Variants in PARVG observed in about 807,000 individuals in gnomAD.
PARVG encodes the protein parvin gamma.
PARVG carries 36 observed loss-of-function variants against 44.4 expected under a neutral mutation model. The observed-to-expected ratio is 0.81, with a 90% CI of 0.62 to 1.07. The LOEUF (loss-of-function observed/expected upper bound fraction) is 1.07. Ranked by LOEUF, PARVG falls within the 50% of genes least tolerant of loss-of-function variation. PARVG has a pLI of 0.00. For missense variants in PARVG, 407 were observed against 407.4 expected (o/e 1.00, Z 0.01); for synonymous variants, 170 against 174.1 (o/e 0.98, Z 0.19).
In PARVG at chr22:44,190,646, G is replaced by A; in HGVS notation, c.484G>A (p.Val162Met). 6.2e-7 allele frequency: 1 copy of A among 1,613,630 alleles called. No individual in the cohort carries two copies. The change falls in exon 7 of 14, where the codon GTG becomes ATG. Residue 162 changes from valine (V) to methionine (M), a missense_variant. Transcript: ENST00000444313. Reference sequence around the variant, plus strand: ...CCTCTCCCTCCCAACCAACGTCCAGGTGGAGGTCATCACTATCGAGGTAGC... The same window carrying A: ...CCTCTCCCTCCCAACCAACGTCCAGATGGAGGTCATCACTATCGAGGTAGC... ...PDLSLPTNVQVEVITIESTKS... is the reference protein window; with the variant it reads ...PDLSLPTNVQMEVITIESTKS...
rs1238000830 is a variant in PARVG, at chr22:44,187,788, T to C, written c.157T>C (p.Trp53Arg). The change falls in exon 5 of 14, where the codon TGG (tryptophan) becomes CGG (arginine). Residue 53 changes from tryptophan to arginine, a missense_variant. Trp to Arg is a moderately radical substitution (Grantham distance 101, BLOSUM62 -3). Transcript: ENST00000444313. Reference sequence around the variant, plus strand: ...TTGGAGCCTGCAGGTGTTGATGGAGTGGATCAATGCCACTCTTCTCCCCGA... The same window carrying C: ...TTGGAGCCTGCAGGTGTTGATGGAGCGGATCAATGCCACTCTTCTCCCCGA... ...FEELQKVLME[W>R]INATLLPEHI... is the part of the protein sequence containing the mutation. The C allele has an allele frequency of 6.2e-7, 1 of 1,614,018 alleles. No individual in the cohort carries two copies.
At position 44,190,410 on chromosome 22, in the gene PARVG, T is replaced by A. The variant is rs996739598; in HGVS notation, c.389-141T>A. On this transcript the variant is annotated intron_variant, in intron 6 of 13. Transcript: ENST00000444313. Reference sequence around the variant, plus strand: ...ATGATTTTTAGGTTCTGAACACGTATCTCCAGATCTCTGCTCTCCAGAAGG... The same window carrying A: ...ATGATTTTTAGGTTCTGAACACGTAACTCCAGATCTCTGCTCTCCAGAAGG... 3.8e-5 allele frequency: 24 copies of A among 638,498 alleles called. No individual in the cohort carries two copies. In the Admixed American group the frequency reaches 6.3e-4, roughly 17 times the overall value. The allele number at this position is 638,498 out of a possible 1,614,324, so 39.6% of individuals were successfully genotyped here.
intron 3 of PARVG, chr22:44,183,769 G>A: frequency 2.5e-6 from 1 of 400,000 alleles, no homozygotes; most frequent in Non-Finnish European, 4.4e-6. Flanking sequence ...GGAAACTGAG[G>A]CACAAGGGGT....
In PARVG at chr22:44,207,963, C is replaced by T. The variant is rs1409057756; in HGVS notation, c.*1537C>T. 3.9e-5 allele frequency: 6 copies of T among 152,556 alleles called. No homozygotes were observed. The highest frequency in any genetic ancestry group is 8.8e-5 in the Non-Finnish European group (6 of 68,306). 9.5% of individuals were successfully genotyped at this position (152,556 alleles called of 1,614,324 possible). ...GGTACCTGGAGCCCAGCTCCTTCCA[C>T]CTGCTCAGGTGCCCCCTCCATTGCG... On this transcript the variant is annotated 3_prime_UTR_variant, in exon 14 of 14. Coordinates refer to ENST00000444313, the MANE Select transcript of PARVG (RefSeq NM_022141.7).
chr22:44,178,099 CCATGGTGGAACTGTG>C (rs2054336219), upstream of PARVG, among the ~76,000 whole-genome samples: 1 of 152,124 alleles, frequency 6.6e-6, no homozygotes, highest in Non-Finnish European at 1.5e-5. Flanking sequence ...GCCTTCCCAG[CCATGGTGGAACTGTG>C]AGTCCATTAA....
chr22:44,184,127 C>G (rs1318217831), intron 3 of PARVG: 3 of 153,296 alleles, frequency 2.0e-5, no homozygotes, highest in Admixed American at 1.3e-4. Context: ...CTGTCACCCT[C>G]TCTGTGTTCT....
chr22:44,206,446 C>T lies in PARVG; in HGVS notation c.*20C>T. The T allele has an allele frequency of 6.2e-7, 1 of 1,608,872 alleles. No individual in the cohort carries two copies. The highest frequency in any genetic ancestry group is 8.5e-7 in the Non-Finnish European group (1 of 1,175,436). On this transcript the variant is annotated 3_prime_UTR_variant, in exon 14 of 14. Coordinates refer to ENST00000444313, the MANE Select transcript of PARVG (RefSeq NM_022141.7). ...AATTGACCCTCACTGCCTCCAAAGC[C>T]CAGAGCCTGCCTGTCAGCCCAGCTG... is the stretch of plus-strand genomic sequence containing the variant.
chr22:44,182,027 C>T lies in PARVG; in HGVS notation c.-13+110C>T. On this transcript the variant is annotated intron_variant, in intron 2 of 13. Coordinates refer to ENST00000444313, the MANE Select transcript of PARVG (RefSeq NM_022141.7). This position sits in a 1 kb window ranked among gnomAD's most constrained non-coding sequence, Gnocchi z 4.6. The stretch of plus-strand genomic sequence containing the variant: ...GAGTGCAGTCCCAGCCCAGGCCACC[C>T]GGGGAAGGGAGTCGGTAAAGTGGGA... 1.1e-6 allele frequency: 1 copy of T among 890,300 alleles called. No homozygotes were observed. Among genetic ancestry groups the T allele is most frequent in the Non-Finnish European group, 1.3e-6 (1 of 743,198 alleles). The allele number at this position is 890,300 out of a possible 1,614,324, so 55.2% of individuals were successfully genotyped here.
chr22:44,186,781 A>T (rs1373985805), intron 4 of PARVG: 1 of 410,570 alleles, frequency 2.4e-6, no homozygotes, highest in African/African-American at 2.0e-5. Flanking sequence ...TTAGTGATGG[A>T]GCTGGTCATG....
upstream of PARVG, among the ~76,000 whole-genome samples, chr22:44,176,644 C>CTT (rs139114): frequency 9.2e-3 from 1,381 of 149,670 alleles, 21 homozygotes; most frequent in African/African-American, 0.032. Flanking sequence ...AGAGCAAAGG[C>CTT]TTTTTTTTTT....
At chr22:44,196,301 C>T in intron 10 of PARVG, 46 bp from the exon 11 acceptor site, 1 of 1,614,022 alleles carries the variant, frequency 6.2e-7, no homozygotes, top group South Asian at 1.1e-5. Flanking sequence ...CACGGGTCCT[C>T]CCATCACACC....
At chr22:44,185,923 A>G (rs1569179402) in intron 4 of PARVG, 51 bp downstream of exon 4, 1 of 1,556,902 alleles carries the variant, frequency 6.4e-7, no homozygotes, top group South Asian at 1.1e-5. Flanking sequence ...TTGGCAGACC[A>G]GGCAGCGGCC....
At chr22:44,187,587 C>G in intron 4 of PARVG, 189 bp from the exon 5 acceptor site, 1 of 622,868 alleles carries the variant, frequency 1.6e-6, no homozygotes, top group Non-Finnish European at 2.9e-6. Flanking sequence ...AGCAGGGAGT[C>G]TGCAGGAACC....
intron 11 of PARVG, among the ~76,000 whole-genome samples, chr22:44,197,009 T>A (rs530551628): frequency 6.6e-6 from 1 of 151,630 alleles, no homozygotes; most frequent in South Asian, 2.1e-4. Flanking sequence ...GGGTGCACAG[T>A]AGCAGACCGG....
intron 3 of PARVG, chr22:44,183,896 G>A (rs752788413): frequency 2.8e-4 from 95 of 342,406 alleles, no homozygotes; most frequent in Non-Finnish European, 4.7e-4. Context: ...CCACCATGGA[G>A]TGATACTTTG....
Position 44,181,839 on chromosome 22 carries a change from G to A in PARVG, c.-91G>A. The A allele has an allele frequency of 2.0e-6, 2 of 985,502 alleles. No individual in the cohort carries two copies. The highest frequency in any genetic ancestry group is 2.4e-6 in the Non-Finnish European group (2 of 829,980). 61.0% of individuals were successfully genotyped at this position (985,502 alleles called of 1,614,324 possible). On this transcript the variant is annotated 5_prime_UTR_variant, in exon 2 of 14. Coordinates refer to ENST00000444313, the MANE Select transcript of PARVG (RefSeq NM_022141.7). ...TCCCCGAAGACCCCAGAAGAACCCG[G>A]AACTTGCTTCCATTCGGAATCCAGG... is the stretch of plus-strand genomic sequence containing the variant.
At chr22:44,192,518 C>T (rs1172628328) in intron 8 of PARVG, among the ~76,000 whole-genome samples, 1 of 152,134 alleles carries the variant, frequency 6.6e-6, no homozygotes, top group Non-Finnish European at 1.5e-5. Flanking sequence ...GTTCCCCGCC[C>T]ACTTTGGGGG....
In PARVG at chr22:44,181,135, C is replaced by A; in HGVS notation, c.-239C>A. ...CGATCCCCTTGGCAACAACCACCAC[C>A]AATATTTATTCACTGAGCCCACTTT... On this transcript the variant is annotated 5_prime_UTR_variant, in exon 1 of 14. Transcript: ENST00000444313. 1 of 427,294 alleles carries A rather than the reference C, an allele frequency of 2.3e-6. No homozygotes were observed. Among genetic ancestry groups the A allele is most frequent in the Non-Finnish European group, 3.1e-6 (1 of 319,560 alleles). The allele number at this position is 427,294 out of a possible 1,614,324, so 26.5% of individuals were successfully genotyped here.
chr22:44,193,246 G>C (rs901292453), intron 8 of PARVG, among the ~76,000 whole-genome samples: 1 of 152,094 alleles, frequency 6.6e-6, no homozygotes, highest in African/African-American at 2.4e-5. Flanking sequence ...AAGAAAAATT[G>C]TTCAAAAACA....
Sources: allele counts gnomAD v4.1 joint callset (sites outside exome capture counted in the v4.1 genomes callset), GRCh38; gene constraint gnomAD v4.1.1; non-coding constraint Gnocchi (gnomAD v3.1); transcripts MANE v1.5; gene names NCBI Gene and HGNC (gene_info 2026-07-23, HGNC 2026-07-21).